Variants in MTREX observed in about 807,000 individuals in gnomAD.
MTREX encodes the protein exosome RNA helicase MTR4.
A neutral mutation model predicts 135.4 loss-of-function variants in MTREX; 76 were observed. That is an observed-to-expected ratio of 0.56 (90% CI 0.47 to 0.68). The LOEUF is 0.68. Ranked by LOEUF, MTREX falls within the 30% of genes least tolerant of loss-of-function variation. The pLI, the probability that MTREX is intolerant of heterozygous loss-of-function variation, is 0.00. For synonymous variants in MTREX, 404 were observed against 401.6 expected (o/e 1.01, Z -0.07); for missense variants, 920 against 1,262.1 (o/e 0.73, Z 4.11).
At chr5:55,417,616 G>C (rs1750986476) in intron 25 of MTREX, among the ~76,000 whole-genome samples, 1 of 152,204 alleles carries the variant, frequency 6.6e-6, no homozygotes, top group Admixed American at 6.5e-5. Flanking sequence ...GAGTCAGTGA[G>C]AAGAGGGATG....
At chr5:55,310,298 G>A (rs2112014393) in intron 1 of MTREX, among the ~76,000 whole-genome samples, 1 of 152,296 alleles carries the variant, frequency 6.6e-6, no homozygotes, top group Admixed American at 6.5e-5. Context: ...TTCTAGCAAG[G>A]TCTTCTAGAT....
intron 19 of MTREX, among the ~76,000 whole-genome samples, chr5:55,393,143 G>A (rs1244330238): frequency 6.6e-6 from 1 of 152,110 alleles, no homozygotes; most frequent in African/African-American, 2.4e-5. Context: ...CTAAGGAGTG[G>A]GAGATGGAGT....
Position 55,410,650 on chromosome 5 carries a change from C to T in MTREX, c.2751+21C>T, listed in dbSNP as rs769503654. On this transcript the variant is annotated intron_variant, in intron 23 of 26. Coordinates refer to ENST00000230640, the MANE Select transcript of MTREX (RefSeq NM_015360.5). ...AGAATGTAAGTTAATTGATTCAGCA[C>T]ATCTTATTTATTAATTCACACATCA... 16 of 1,450,244 alleles carry T rather than the reference C, an allele frequency of 1.1e-5. No homozygotes were observed. The South Asian group carries it at 1.7e-4, about 15-fold the overall frequency. The allele number at this position is 1,450,244 out of a possible 1,614,324, so 89.8% of individuals were successfully genotyped here. A position where few individuals can be genotyped will look rare whatever the true frequency, so the allele number is the denominator to read the frequency against.
chr5:55,360,419 TA>T (rs1749988648), intron 15 of MTREX, among the ~76,000 whole-genome samples: 1 of 151,976 alleles, frequency 6.6e-6, no homozygotes, highest in Non-Finnish European at 1.5e-5. Flanking sequence ...TTTTTTTTTT[TA>T]CAAGTCTTTA....
intron 15 of MTREX, among the ~76,000 whole-genome samples, chr5:55,361,425 C>T (rs940079374): frequency 2.0e-5 from 3 of 152,210 alleles, no homozygotes; most frequent in Non-Finnish European, 4.4e-5. Context: ...AATCTCAGTA[C>T]ATTCATACAC....
In MTREX at chr5:55,351,105, A is replaced by G. The variant is rs1749820210; in HGVS notation, c.1431+76A>G. On this transcript the variant is annotated intron_variant, in intron 13 of 26. Transcript: ENST00000230640. ...GTTTGAAAATGAGAGAACATTGTTT[A>G]TAGGCAATATGTGTGTTTTTAACAA... The G allele has an allele frequency of 1.3e-5, 18 of 1,434,474 alleles. No homozygotes were observed. In the South Asian group the frequency reaches 2.5e-4, roughly 20 times the overall value. 88.9% of individuals were successfully genotyped at this position (1,434,474 alleles called of 1,614,324 possible).
At chr5:55,353,692 G>A (rs1219467606) in intron 14 of MTREX, among the ~76,000 whole-genome samples, 1 of 152,106 alleles carries the variant, frequency 6.6e-6, no homozygotes, top group Non-Finnish European at 1.5e-5. Context: ...GACAGAGTGA[G>A]ACCCTGTCTC....
chr5:55,361,502 A>AT lies in MTREX; in HGVS notation c.1659+2811dup, dbSNP rs1033874531. ...ATTGTGAATTTGAAATATTTTAATA[A>AT]TTTTTTTCCTTCATTTTTATGGCTT... On this transcript the variant is annotated intron_variant, in intron 15 of 26. Transcript: ENST00000230640. Among the ~76,000 whole-genome samples, 10 of 152,200 alleles carry AT rather than the reference A, an allele frequency of 6.6e-5. 1 individual carries two copies. In the East Asian group the frequency reaches 1.4e-3, roughly 21 times the overall value.
At chr5:55,334,604 C>G (rs1015251857) in intron 5 of MTREX, among the ~76,000 whole-genome samples, 3 of 152,064 alleles carry the variant, frequency 2.0e-5, no homozygotes, top group Non-Finnish European at 2.9e-5. Flanking sequence ...ATATAATTTA[C>G]TTACCATTAA....
chr5:55,311,226 A>T (rs1579841350), intron 1 of MTREX, among the ~76,000 whole-genome samples: 1 of 151,914 alleles, frequency 6.6e-6, no homozygotes, highest in East Asian at 1.9e-4. Flanking sequence ...TTTTTTTTTT[A>T]ATCAAATGCA....
intron 12 of MTREX, among the ~76,000 whole-genome samples, 195 bp downstream of exon 12, chr5:55,349,847 A>G (rs1421881027): frequency 6.6e-6 from 1 of 152,214 alleles, no homozygotes; most frequent in Non-Finnish European, 1.5e-5. Context: ...TGCTGCCTGA[A>G]GGAACTTTTC....
rs1242207582 is a variant in MTREX at position 55,387,984 on chromosome 5, G to A, written c.2063G>A (p.Gly688Asp). Residue 688 changes from glycine to aspartate, a missense_variant, in exon 19 of 27, where the codon GGT (glycine) becomes GAT (aspartate). Coordinates refer to ENST00000230640, the MANE Select transcript of MTREX (RefSeq NM_015360.5). ...SKKSNVKPNS[G>D]ELDPLYVVEV... ...TGTTTTGTTTTTTAGCCTAACTCTGGTGAACTGGATCCTTTGTATGTAGTA... is the reference window on the plus strand; with the variant it reads ...TGTTTTGTTTTTTAGCCTAACTCTGATGAACTGGATCCTTTGTATGTAGTA... 2.5e-6 allele frequency: 4 copies of A among 1,590,918 alleles called. No homozygotes were observed. The highest frequency in any genetic ancestry group is 3.4e-5 in the Admixed American group (2 of 58,526).
chr5:55,365,970 T>C (rs1750096575), intron 15 of MTREX, among the ~76,000 whole-genome samples: 1 of 147,328 alleles, frequency 6.8e-6, no homozygotes, highest in Non-Finnish European at 1.5e-5. Flanking sequence ...CAGCCTGGGC[T>C]ACACAGCGAG....
chr5:55,344,870 G>T (rs1037447966), intron 9 of MTREX, among the ~76,000 whole-genome samples: 1 of 151,898 alleles, frequency 6.6e-6, no homozygotes, highest in African/African-American at 2.4e-5. Flanking sequence ...TAGAGAATAG[G>T]GGTTCTGGAC....
intron 2 of MTREX, among the ~76,000 whole-genome samples, chr5:55,323,145 G>C (rs1163218918): frequency 6.6e-6 from 1 of 151,966 alleles, no homozygotes; most frequent in African/African-American, 2.4e-5. Flanking sequence ...CCTATAAATG[G>C]TGATAGATGT....
chr5:55,406,565 AGGT>A (rs951075245), intron 22 of MTREX, among the ~76,000 whole-genome samples: 7 of 149,442 alleles, frequency 4.7e-5, no homozygotes, highest in Non-Finnish European at 1.1e-4. Flanking sequence ...TCTTGATTAC[AGGT>A]GAGTCATAAA....
At chr5:55,417,321 G>A (rs1473728494) in intron 25 of MTREX, among the ~76,000 whole-genome samples, 1 of 152,112 alleles carries the variant, frequency 6.6e-6, no homozygotes, top group Non-Finnish European at 1.5e-5. Context: ...GCAATTCAGG[G>A]TAGATATTAT....
chr5:55,328,838 T>C (rs1749423271), intron 5 of MTREX, 27 bp downstream of exon 5: 1 of 1,426,892 alleles, frequency 7.0e-7, no homozygotes. Context: ...TTAAAGTCAC[T>C]TTGTTTCTTA....
chr5:55,388,101 A>C lies in MTREX; in HGVS notation c.2180A>C (p.Gln727Pro), dbSNP rs375847313. 6.2e-7 allele frequency: 1 copy of C among 1,601,308 alleles called. No individual in the cohort carries two copies. The highest frequency in any genetic ancestry group is 2.2e-5 in the East Asian group (1 of 44,598). ...PAKPDEKGEM[Q>P]VVPVLVHLLS... Reference sequence around the variant, plus strand: ...AAACCTGATGAGAAAGGAGAGATGCAGGTTTGTACATAACTTTCTGTCTTC... The same window carrying C: ...AAACCTGATGAGAAAGGAGAGATGCCGGTTTGTACATAACTTTCTGTCTTC... Residue 727 changes from glutamine to proline, a missense_variant and splice_region_variant, in exon 19 of 27, where the codon CAG becomes CCG. Transcript: ENST00000230640.
Sources: allele counts gnomAD v4.1 joint callset (sites outside exome capture counted in the v4.1 genomes callset), GRCh38; gene constraint gnomAD v4.1.1; transcripts MANE v1.5; gene names NCBI Gene and HGNC (gene_info 2026-07-23, HGNC 2026-07-21).